The following SHANK2 variants were observed in gnomAD, a reference collection of about 807,000 sequenced individuals.
SHANK2 encodes SH3 and multiple ankyrin repeat domains 2.
SHANK2 carries 43 observed loss-of-function variants against 133.7 expected under a neutral mutation model. The observed-to-expected ratio is 0.32, with a 90% CI of 0.25 to 0.41. The LOEUF (loss-of-function observed/expected upper bound fraction) is 0.41. Ranked by LOEUF, SHANK2 falls within the 10% of genes least tolerant of loss-of-function variation. SHANK2 has a pLI of 1.00. For synonymous variants in SHANK2, 1,017 were observed against 952.8 expected, an observed-to-expected ratio of 1.07 and a Z score of -1.24; for missense variants, 1,994 against 2,235.8, an observed-to-expected ratio of 0.89 and a Z score of 2.18.
intron 17 of SHANK2, among the ~76,000 whole-genome samples, chr11:70,509,587 T>C (rs1359275112): frequency 6.6e-6 from 1 of 152,204 alleles, no homozygotes; most frequent in Non-Finnish European, 1.5e-5. Context: ...ACCCTGTCTT[T>C]CAGCTCTGAC....
At chr11:70,909,123 A>G (rs920138446) in intron 10 of SHANK2, among the ~76,000 whole-genome samples, 1 of 152,260 alleles carries the variant, frequency 6.6e-6, no homozygotes, top group Admixed American at 6.5e-5. Flanking sequence ...GGATTTGCCA[A>G]TAAAATGTAA....
At position 70,827,001 on chromosome 11, in the gene SHANK2, T is replaced by C. The variant is rs572225159; in HGVS notation, c.1175-6319A>G. ...GCTTTTCTATTTTTTTAAAAAAAAA[T>C]TTTTTTAAAGAAAAAGCCAAGTTTG... On this transcript the variant is annotated intron_variant, in intron 11 of 25. Coordinates refer to ENST00000601538, the MANE Select transcript of SHANK2 (RefSeq NM_012309.5). 8.0e-3 allele frequency among the ~76,000 whole-genome samples: 1,216 copies of C among 152,210 alleles called. 16 individuals carry two copies. Among genetic ancestry groups the C allele is most frequent in the African/African-American group, 0.027 (1,135 of 41,510 alleles).
rs1055860177 is a variant in SHANK2 at position 70,881,387 on chromosome 11, A to G, written c.1174+15114T>C. 3.3e-5 allele frequency among the ~76,000 whole-genome samples: 5 copies of G among 152,006 alleles called. No individual in the cohort carries two copies. In the South Asian group the frequency reaches 1.0e-3, roughly 32 times the overall value. On this transcript the variant is annotated intron_variant, in intron 11 of 25. Coordinates refer to ENST00000601538, the MANE Select transcript of SHANK2 (RefSeq NM_012309.5). ...GCTTCACCATGAAGCAGGTGGGTGA[A>G]TCAGGGGTACAAGATAGACACAAAT...
rs147885098 is a variant in SHANK2 at position 71,193,241 on chromosome 11, T to C, written c.-13+31456A>G. On this transcript the variant is annotated intron_variant, in intron 2 of 25. Coordinates refer to ENST00000601538, the MANE Select transcript of SHANK2 (RefSeq NM_012309.5). ...CACCAGAACCGGCTGAGAGGGCTTC[T>C]GTGGTGGGTCTGGAATCCCAGCCCA... Among the ~76,000 whole-genome samples, 10 of 152,304 alleles carry C rather than the reference T, an allele frequency of 6.6e-5. No homozygotes were observed. In the East Asian group the frequency reaches 1.9e-3, roughly 29 times the overall value.
At chr11:70,852,247 A>C (rs2135470539) in intron 11 of SHANK2, among the ~76,000 whole-genome samples, 2 of 152,358 alleles carry the variant, frequency 1.3e-5, no homozygotes, top group Middle Eastern at 6.8e-3. Flanking sequence ...ACAGACCACA[A>C]AGAAAACTGG....
intron 11 of SHANK2, among the ~76,000 whole-genome samples, chr11:70,851,176 C>G (rs1170319712): frequency 9.5e-6 from 1 of 105,360 alleles, no homozygotes; most frequent in Non-Finnish European, 2.0e-5. Flanking sequence ...AATACCAGAG[C>G]CTTGCAGAAC....
In SHANK2 at chr11:70,473,293, C is replaced by A; in HGVS notation, c.5126G>T (p.Ser1709Ile). The A allele has an allele frequency of 6.2e-7, 1 of 1,613,958 alleles. No homozygotes were observed. The highest frequency in any genetic ancestry group is 1.1e-5 in the South Asian group (1 of 91,072). Residue 1709 changes from serine to isoleucine, a missense_variant, in exon 26 of 26, where the codon AGC becomes ATC. This residue lies in a region of SHANK2 where 797 missense variants were observed against 907.4 expected (regional missense o/e 0.88). Transcript: ENST00000601538. The surrounding 1 kb of genome is among the most constrained non-coding windows in gnomAD (Gnocchi z 5.9). The part of the protein sequence containing the change: ...SRTSGTRRAP[S>I]PVVSPTEMNK... Reference sequence around the variant, plus strand: ...CATCTCTGTTGGCGAGACCACAGGGCTTGGGGCACGTCTTGTTCCTGAGGT... The same window carrying A: ...CATCTCTGTTGGCGAGACCACAGGGATTGGGGCACGTCTTGTTCCTGAGGT...
intron 3 of SHANK2, among the ~76,000 whole-genome samples, chr11:71,121,426 A>G (rs1454657955): frequency 3.9e-5 from 6 of 152,228 alleles, no homozygotes; most frequent in African/African-American, 1.4e-4. Context: ...CCCTAATGCA[A>G]TAACTGTGTC....
rs1953725895 is a variant in SHANK2, at chr11:71,188,727, C to G, written c.-13+35970G>C. Among the ~76,000 whole-genome samples the G allele has an allele frequency of 6.6e-6, 1 of 152,226 alleles. No homozygotes were observed. The highest frequency in any genetic ancestry group is 1.5e-5 in the Non-Finnish European group (1 of 68,044). On this transcript the variant is annotated intron_variant, in intron 2 of 25. Coordinates refer to ENST00000601538, the MANE Select transcript of SHANK2 (RefSeq NM_012309.5). This position sits in a 1 kb window ranked among gnomAD's most constrained non-coding sequence, Gnocchi z 4.6. ...TGTCGCCCACCACACCTCTCCTCAT[C>G]TGCTGAGGGCCTGCCACGTCCCTGC... is the stretch of plus-strand genomic sequence containing the variant.
At chr11:71,140,688 C>T (rs1428170499) in intron 3 of SHANK2, among the ~76,000 whole-genome samples, 1 of 152,212 alleles carries the variant, frequency 6.6e-6, no homozygotes, top group Admixed American at 6.5e-5. Context: ...CGCCAACCCG[C>T]AATGGCTCAC....
chr11:71,183,152 G>A (rs1163564639), intron 2 of SHANK2, among the ~76,000 whole-genome samples: 1 of 152,182 alleles, frequency 6.6e-6, no homozygotes. Flanking sequence ...TTTCTGGAAG[G>A]CGAAATAAAG....
chr11:70,762,033 A>T (rs112766223), intron 14 of SHANK2, among the ~76,000 whole-genome samples: 1 of 152,262 alleles, frequency 6.6e-6, no homozygotes, highest in East Asian at 1.9e-4. Context: ...CGCCCACTCC[A>T]TCAGCATCTG....
rs551105605 is a variant in SHANK2, at chr11:71,227,327, A to C, written c.-112-2531T>G. On this transcript the variant is annotated intron_variant, in intron 1 of 25. Transcript: ENST00000601538. Reference sequence around the variant, plus strand: ...GATACAATTAAATGAGGTCTATAAAAATTTGCTTCAAATATAATGCCATAG... The same window carrying C: ...GATACAATTAAATGAGGTCTATAAACATTTGCTTCAAATATAATGCCATAG... Among the ~76,000 whole-genome samples, 6 of 152,244 alleles carry C rather than the reference A, an allele frequency of 3.9e-5. No homozygotes were observed. The East Asian group carries it at 1.2e-3, about 29-fold the overall frequency.
chr11:70,877,382 G>A (rs1289858540), intron 11 of SHANK2, among the ~76,000 whole-genome samples: 2 of 152,198 alleles, frequency 1.3e-5, no homozygotes, highest in South Asian at 4.1e-4. Context: ...CACTGGGTCT[G>A]CCGGCATACG....
intron 2 of SHANK2, among the ~76,000 whole-genome samples, chr11:71,199,615 G>C (rs1295701963): frequency 3.3e-5 from 5 of 152,242 alleles, no homozygotes; most frequent in Non-Finnish European, 7.3e-5. Context: ...AGCCTCGAAG[G>C]GAGCATGCAG....
intron 14 of SHANK2, among the ~76,000 whole-genome samples, chr11:70,795,168 G>A (rs993428591): frequency 2.0e-5 from 3 of 152,072 alleles, no homozygotes; most frequent in African/African-American, 7.2e-5. Context: ...CAGCCTTTGT[G>A]TTAGAGGAGA....
At chr11:71,206,812 A>G (rs571737545) in intron 2 of SHANK2, among the ~76,000 whole-genome samples, 1 of 152,170 alleles carries the variant, frequency 6.6e-6, no homozygotes, top group Non-Finnish European at 1.5e-5. Context: ...ATGGTGGCAC[A>G]TACCTGTAGT....
intron 2 of SHANK2, among the ~76,000 whole-genome samples, chr11:71,217,977 A>C (rs1954448639): frequency 6.6e-6 from 1 of 151,942 alleles, no homozygotes; most frequent in African/African-American, 2.4e-5. Flanking sequence ...CAGCCTCCTG[A>C]GTAGCTGGGA....
At chr11:70,534,822 G>A (rs1279405137) in intron 17 of SHANK2, among the ~76,000 whole-genome samples, 3 of 152,210 alleles carry the variant, frequency 2.0e-5, no homozygotes, top group Non-Finnish European at 2.9e-5. Context: ...GCGAGGTGGG[G>A]ACTCACGATC....
Sources: allele counts gnomAD v4.1 joint callset (sites outside exome capture counted in the v4.1 genomes callset), GRCh38; gene constraint gnomAD v4.1.1; regional missense constraint gnomAD v4.1.1; non-coding constraint Gnocchi (gnomAD v3.1); transcripts MANE v1.5; gene names NCBI Gene and HGNC (gene_info 2026-07-23, HGNC 2026-07-21).